The following DNAH7 variants were observed in gnomAD, a reference collection of about 807,000 sequenced individuals.
The protein encoded by DNAH7 is dynein axonemal heavy chain 7.
Under a neutral mutation model 444.6 loss-of-function variants are expected in DNAH7, and 397 were observed. The observed-to-expected ratio is 0.89, with a 90% CI of 0.82 to 0.97. The LOEUF (loss-of-function observed/expected upper bound fraction) is 0.97, where lower values mean the gene tolerates loss of function less well. Among genes scored for constraint, DNAH7 ranks in the 50% least tolerant of loss-of-function variants. The probability of loss-of-function intolerance (pLI) is 0.00; values close to 1 mark genes in which losing one functional copy is unlikely to be tolerated. For synonymous variants in DNAH7, 1,636 were observed against 1,624.4 expected (o/e 1.01, Z -0.17); for missense variants, 4,902 against 4,800.8 (o/e 1.02, Z -0.62).
chr2:195,967,411 T>A (rs1179824787), intron 17 of DNAH7, among the ~76,000 whole-genome samples: 1 of 152,222 alleles, frequency 6.6e-6, no homozygotes, highest in Non-Finnish European at 1.5e-5. Context: ...TTAAACAGTA[T>A]TATAATAGTC....
At chr2:195,896,192 T>C (rs1308990817) in intron 29 of DNAH7, among the ~76,000 whole-genome samples, 1 of 152,214 alleles carries the variant, frequency 6.6e-6, no homozygotes, top group Non-Finnish European at 1.5e-5. Context: ...AAAGTTCCAA[T>C]ATTAGGTATG....
chr2:196,005,066 C>G (rs1441174369), intron 10 of DNAH7, among the ~76,000 whole-genome samples: 2 of 150,382 alleles, frequency 1.3e-5, no homozygotes, highest in East Asian at 2.0e-4. Context: ...GTCAGGAGAT[C>G]AAGACCATCT....
intron 19 of DNAH7, among the ~76,000 whole-genome samples, chr2:195,951,040 G>A (rs112882937): frequency 7.2e-5 from 11 of 151,868 alleles, no homozygotes; most frequent in East Asian, 1.9e-4. Context: ...GGTGTCTGTC[G>A]ATTTTAGATC....
intron 51 of DNAH7, among the ~76,000 whole-genome samples, chr2:195,816,057 A>T (rs554631455): frequency 5.9e-5 from 9 of 152,370 alleles, no homozygotes; most frequent in Non-Finnish European, 1.0e-4. Flanking sequence ...AACTGATTTT[A>T]AAAAATCAAA....
At chr2:195,827,549 T>C (rs529409569) in intron 48 of DNAH7, among the ~76,000 whole-genome samples, 1 of 152,256 alleles carries the variant, frequency 6.6e-6, no homozygotes, top group African/African-American at 2.4e-5. Flanking sequence ...CCCAAAATGC[T>C]GGGATTACAG....
Position 195,897,716 on chromosome 2 carries a change from A to G in DNAH7, c.4598T>C (p.Ile1533Thr), listed in dbSNP as rs947285685. 1.9e-6 allele frequency: 3 copies of G among 1,605,112 alleles called. No individual in the cohort carries two copies. The highest frequency in any genetic ancestry group is 1.7e-6 in the Non-Finnish European group (2 of 1,175,512). ...TAAAAATTTTGGCAGATTTACATCAATGATAGATCTAAGCAGCAAAATTTC... is the reference window on the plus strand; with the variant it reads ...TAAAAATTTTGGCAGATTTACATCAGTGATAGATCTAAGCAGCAAAATTTC... ...NEEILLLRSI[I>T]DVNLPKFLSH... Residue 1533 changes from isoleucine to threonine, a missense_variant, in exon 29 of 65, where the codon ATT (isoleucine) becomes ACT (threonine). Ile to Thr is a moderately conservative substitution (Grantham distance 89). Coordinates refer to ENST00000312428, the MANE Select transcript of DNAH7 (RefSeq NM_018897.3).
intron 45 of DNAH7, among the ~76,000 whole-genome samples, chr2:195,854,532 T>TC (rs1699583120): frequency 6.6e-6 from 1 of 152,178 alleles, no homozygotes; most frequent in Admixed American, 6.5e-5. Context: ...TTAATTTTTT[T>TC]CCCTTTTAAT....
At chr2:196,028,572 T>C (rs1009241297) in intron 5 of DNAH7, among the ~76,000 whole-genome samples, 4 of 152,234 alleles carry the variant, frequency 2.6e-5, no homozygotes, top group Non-Finnish European at 4.4e-5. Context: ...TATGTGTTCA[T>C]ATAATACAAT....
At chr2:195,798,537 A>ATTTTTTTT (rs754058331) in intron 55 of DNAH7, among the ~76,000 whole-genome samples, 5 of 107,466 alleles carry the variant, frequency 4.7e-5, no homozygotes, top group African/African-American at 1.1e-4. Context: ...AAATAGTAGA[A>ATTTTTTTT]TTTTTTTTTT....
intron 10 of DNAH7, among the ~76,000 whole-genome samples, chr2:196,010,046 G>T (rs1175234881): frequency 2.0e-5 from 3 of 152,012 alleles, no homozygotes; most frequent in Non-Finnish European, 4.4e-5. Context: ...ACTATCAAAA[G>T]TACAAACAAT....
intron 1 of DNAH7, chr2:196,068,407 C>A (rs1182106476): frequency 2.2e-6 from 1 of 453,702 alleles, no homozygotes; most frequent in African/African-American, 2.0e-5. Flanking sequence ...CCCAAGCACA[C>A]CGCCATTAGC....
At chr2:196,038,893 T>C (rs1252552082) in intron 5 of DNAH7, among the ~76,000 whole-genome samples, 1 of 152,152 alleles carries the variant, frequency 6.6e-6, no homozygotes, top group Non-Finnish European at 1.5e-5. Flanking sequence ...GAAAATATTA[T>C]TAAAGTTAAG....
intron 60 of DNAH7, 139 bp downstream of exon 60, chr2:195,775,707 G>A: frequency 1.2e-6 from 1 of 856,112 alleles, no homozygotes; most frequent in Non-Finnish European, 1.7e-6. Context: ...TTTAAGTTAT[G>A]TATGTATTTT....
chr2:195,977,076 G>A (rs909558063), intron 15 of DNAH7, among the ~76,000 whole-genome samples: 1 of 152,094 alleles, frequency 6.6e-6, no homozygotes, highest in African/African-American at 2.4e-5. Context: ...AACTCTTCAA[G>A]GCCCAGATAC....
intron 15 of DNAH7, among the ~76,000 whole-genome samples, chr2:195,980,352 A>G (rs1164260950): frequency 3.9e-5 from 6 of 152,116 alleles, no homozygotes; most frequent in Admixed American, 1.3e-4. Flanking sequence ...CCCTTCTGCC[A>G]TGACTGTAAG....
At chr2:195,738,364 TCA>T (rs1280147483) in intron 64 of DNAH7, among the ~76,000 whole-genome samples, 1 of 152,094 alleles carries the variant, frequency 6.6e-6, no homozygotes, top group African/African-American at 2.4e-5. Context: ...TATTTATCTC[TCA>T]CTCAGCCACA....
At chr2:195,931,630 T>C (rs959548827) in intron 21 of DNAH7, among the ~76,000 whole-genome samples, 1 of 152,036 alleles carries the variant, frequency 6.6e-6, no homozygotes, top group African/African-American at 2.4e-5. Flanking sequence ...CAGTTTCAGC[T>C]TTCTACATAT....
At chr2:195,934,212 G>A (rs774719576) in intron 21 of DNAH7, among the ~76,000 whole-genome samples, 2 of 152,162 alleles carry the variant, frequency 1.3e-5, no homozygotes, top group African/African-American at 2.4e-5. Flanking sequence ...CCGAAAAAAA[G>A]ATTCATACAT....
At chr2:195,883,471 G>T (rs1423064125) in intron 35 of DNAH7, among the ~76,000 whole-genome samples, 1 of 141,476 alleles carries the variant, frequency 7.1e-6, no homozygotes, top group Non-Finnish European at 1.5e-5. Flanking sequence ...CAAAAAAAAA[G>T]AATCAGAAAC....
Sources: gnomAD v4.1 joint callset for allele counts (sites outside exome capture counted in the v4.1 genomes callset) on GRCh38, gnomAD v4.1.1 for gene constraint, MANE v1.5 for transcripts, NCBI Gene and HGNC (gene_info 2026-07-23, HGNC 2026-07-21) for gene names.